The following DYNC1I1 variants were observed in gnomAD, a reference collection of about 807,000 sequenced individuals.
DYNC1I1 encodes cytoplasmic dynein 1 intermediate chain 1.
Under a neutral mutation model 86.6 loss-of-function variants are expected in DYNC1I1, and 43 were observed. That is an observed-to-expected ratio of 0.50 (90% CI 0.39 to 0.64). The LOEUF is 0.64. Among genes scored for constraint, DYNC1I1 ranks in the 30% least tolerant of loss-of-function variants. DYNC1I1 has a pLI of 0.00. For missense variants in DYNC1I1, 604 were observed against 788.8 expected (o/e 0.77, Z 2.81); for synonymous variants, 262 against 283.7 (o/e 0.92, Z 0.77).
At chr7:96,100,682 G>GTGTGTGTGTGTGTGTGTGTGTGTGT (rs1554447113), downstream of DYNC1I1, among the ~76,000 whole-genome samples, 2 of 150,676 alleles carry the variant, frequency 1.3e-5, no homozygotes, top group African/African-American at 4.9e-5. Flanking sequence ...GTGTGTGTGT[G>GTGTGTGTGTGTGTGTGTGTGTGTGT]GTAAGGAAGA....
chr7:95,979,866 G>T (rs939866584), intron 7 of DYNC1I1, among the ~76,000 whole-genome samples: 3 of 151,910 alleles, frequency 2.0e-5, no homozygotes, highest in Admixed American at 1.3e-4. Context: ...TACTAAAAAC[G>T]TCTTTTAAAA....
intron 6 of DYNC1I1, among the ~76,000 whole-genome samples, chr7:95,890,105 C>T (rs750932003): frequency 2.6e-5 from 4 of 152,154 alleles, no homozygotes; most frequent in Non-Finnish European, 5.9e-5. Context: ...TGTAATAAAT[C>T]ATTCTCCCAT....
chr7:96,098,316 T>C lies in DYNC1I1; in HGVS notation c.*723T>C. ...TTATTTCTGGGTACTTTAACAATAT[T>C]TCAAATATCATTGACCACTAATACT... On this transcript the variant is annotated 3_prime_UTR_variant, in exon 17 of 17. Coordinates refer to ENST00000447467, the MANE Select transcript of DYNC1I1 (RefSeq NM_001135556.2). 2.0e-6 allele frequency: 2 copies of C among 985,860 alleles called. No homozygotes were observed. The highest frequency in any genetic ancestry group is 3.5e-5 in the African/African-American group (2 of 57,362). The allele number at this position is 985,860 out of a possible 1,614,324, so 61.1% of individuals were successfully genotyped here.
At chr7:95,836,365 G>A (rs1293250138) in intron 5 of DYNC1I1, among the ~76,000 whole-genome samples, 2 of 151,924 alleles carry the variant, frequency 1.3e-5, no homozygotes, top group Non-Finnish European at 2.9e-5. Context: ...TTCCCTTTGA[G>A]GGTAACCCGA....
At chr7:95,957,762 G>T (rs1792756572) in intron 6 of DYNC1I1, among the ~76,000 whole-genome samples, 1 of 152,172 alleles carries the variant, frequency 6.6e-6, no homozygotes, top group African/African-American at 2.4e-5. Context: ...TTATAAGAAA[G>T]GACACACCCG....
chr7:96,100,002 C>A (rs959449172), downstream of DYNC1I1, among the ~76,000 whole-genome samples: 2 of 152,146 alleles, frequency 1.3e-5, no homozygotes, highest in African/African-American at 4.8e-5. Context: ...ATTTAAGTCA[C>A]CCCAGCTGAT....
chr7:96,073,002 C>T (rs76184275), intron 14 of DYNC1I1, among the ~76,000 whole-genome samples: 1,836 of 152,276 alleles, frequency 0.012, 41 homozygotes, highest in African/African-American at 0.042. Context: ...AAGTGACATT[C>T]GCCTGTGCCC....
chr7:95,873,007 ACACCAAGTT>A (rs1175062299), intron 6 of DYNC1I1, among the ~76,000 whole-genome samples: 1 of 152,182 alleles, frequency 6.6e-6, no homozygotes, highest in African/African-American at 2.4e-5. Flanking sequence ...ATCTCTAGAA[ACACCAAGTT>A]CACTATGTTC....
chr7:95,995,826 GCCA>G, intron 9 of DYNC1I1, 119 bp from the exon 10 acceptor site: 11 of 1,370,982 alleles, frequency 8.0e-6, no homozygotes, highest in Non-Finnish European at 1.1e-5. Context: ...TAGTAGGTAT[GCCA>G]CAACATAACA....
intron 6 of DYNC1I1, 27 bp from the exon 7 acceptor site, chr7:95,977,485 T>C (rs200097900): frequency 3.1e-6 from 5 of 1,601,580 alleles, no homozygotes; most frequent in Admixed American, 1.7e-5. Context: ...AAAGAAAATA[T>C]TGTATTTTTC....
chr7:95,938,145 T>C (rs930255309), intron 6 of DYNC1I1, among the ~76,000 whole-genome samples: 2 of 152,168 alleles, frequency 1.3e-5, no homozygotes, highest in African/African-American at 4.8e-5. Flanking sequence ...GTCAATGAGA[T>C]TTTCCTCTCA....
chr7:95,932,098 C>T lies in DYNC1I1; in HGVS notation c.491-45414C>T, dbSNP rs1791914815. On this transcript the variant is annotated intron_variant, in intron 6 of 16. Coordinates refer to ENST00000447467, the MANE Select transcript of DYNC1I1 (RefSeq NM_001135556.2). ...CAGAATACCTTCAAGATTTGCTGTT[C>T]ATGTCAAAATATGTTGCTCTCTACC... Among the ~76,000 whole-genome samples, 3 of 152,136 alleles carry T rather than the reference C, an allele frequency of 2.0e-5. No individual in the cohort carries two copies. The South Asian group carries it at 6.2e-4, about 32-fold the overall frequency.
At chr7:95,814,673 A>G (rs890370343) in intron 4 of DYNC1I1, among the ~76,000 whole-genome samples, 5 of 152,100 alleles carry the variant, frequency 3.3e-5, no homozygotes, top group African/African-American at 9.7e-5. Context: ...TTTGCTTTTG[A>G]AACCAACATA....
intron 5 of DYNC1I1, among the ~76,000 whole-genome samples, chr7:95,831,476 C>A (rs1788902537): frequency 1.3e-5 from 2 of 152,222 alleles, no homozygotes; most frequent in South Asian, 4.1e-4. Flanking sequence ...AGGCCAGAGA[C>A]AGATATCTCT....
chr7:95,886,634 T>A (rs1790600663), intron 6 of DYNC1I1, among the ~76,000 whole-genome samples: 1 of 152,148 alleles, frequency 6.6e-6, no homozygotes, highest in Non-Finnish European at 1.5e-5. Flanking sequence ...AAGACAACAA[T>A]TTTTTATCAA....
intron 5 of DYNC1I1, among the ~76,000 whole-genome samples, chr7:95,866,323 C>T (rs932010458): frequency 2.0e-5 from 3 of 152,168 alleles, no homozygotes; most frequent in Non-Finnish European, 2.9e-5. Context: ...AATGACCACA[C>T]GTGCTTGGAC....
At chr7:95,801,865 A>C (rs1794585320) in intron 1 of DYNC1I1, among the ~76,000 whole-genome samples, 2 of 152,198 alleles carry the variant, frequency 1.3e-5, no homozygotes, top group South Asian at 4.1e-4. Context: ...TCTCTTGGAA[A>C]GAAAAAGATC....
chr7:95,791,532 C>G (rs1369639605), intron 1 of DYNC1I1, among the ~76,000 whole-genome samples: 2 of 152,166 alleles, frequency 1.3e-5, no homozygotes, highest in Non-Finnish European at 2.9e-5. Flanking sequence ...AAAACAGCTC[C>G]AAGCGCAATA....
chr7:96,071,086 C>T (rs1377302621), intron 14 of DYNC1I1, among the ~76,000 whole-genome samples: 1 of 152,104 alleles, frequency 6.6e-6, no homozygotes. Flanking sequence ...TATTCCTTCT[C>T]TAATTGATCA....
Sources: gnomAD v4.1 joint callset for allele counts (sites outside exome capture counted in the v4.1 genomes callset) on GRCh38, gnomAD v4.1.1 for gene constraint, MANE v1.5 for transcripts, NCBI Gene and HGNC (gene_info 2026-07-23, HGNC 2026-07-21) for gene names.